The following ATXN1 variants were observed in gnomAD, a reference collection of about 807,000 sequenced individuals.
The protein encoded by ATXN1 is ataxin 1, also known as ataxin-1.
ATXN1 carries 8 observed loss-of-function variants against 56.4 expected under a neutral mutation model. The observed-to-expected ratio is 0.14, with a 90% CI of 0.08 to 0.26. The LOEUF (loss-of-function observed/expected upper bound fraction) is 0.26. Ranked by LOEUF, ATXN1 falls within the 10% of genes least tolerant of loss-of-function variation. The pLI, the probability that ATXN1 is intolerant of heterozygous loss-of-function variation, is 1.00. For synonymous variants in ATXN1, 514 were observed against 494.6 expected, an observed-to-expected ratio of 1.04 and a Z score of -0.52; for missense variants, 987 against 1,106.5, an observed-to-expected ratio of 0.89 and a Z score of 1.53.
intron 6 of ATXN1, among the ~76,000 whole-genome samples, chr6:16,397,181 T>C (rs1310013802): frequency 6.6e-6 from 1 of 152,242 alleles, no homozygotes; most frequent in Non-Finnish European, 1.5e-5. Context: ...AGTGAGAGTA[T>C]TTATATTACA....
intron 6 of ATXN1, among the ~76,000 whole-genome samples, chr6:16,413,557 G>C (rs1027998873): frequency 6.6e-6 from 1 of 152,110 alleles, no homozygotes; most frequent in African/African-American, 2.4e-5. Context: ...TTAATGAATG[G>C]ATGAGTGAAT....
chr6:16,427,331 G>A (rs150138782), intron 6 of ATXN1, among the ~76,000 whole-genome samples: 10 of 152,286 alleles, frequency 6.6e-5, no homozygotes, highest in South Asian at 2.1e-4. Context: ...CTCCCCAGTC[G>A]TGACAAGCAA....
chr6:16,620,527 T>C (rs1763301948), intron 3 of ATXN1, among the ~76,000 whole-genome samples: 1 of 152,276 alleles, frequency 6.6e-6, no homozygotes, highest in East Asian at 1.9e-4. Context: ...ATGAAGATTC[T>C]CATATCCTAG....
intron 6 of ATXN1, among the ~76,000 whole-genome samples, chr6:16,352,338 A>G (rs1478084370): frequency 6.6e-6 from 1 of 152,216 alleles, no homozygotes; most frequent in African/African-American, 2.4e-5. Flanking sequence ...GGGACCAGCC[A>G]GGGAGTCTAA....
intron 6 of ATXN1, among the ~76,000 whole-genome samples, chr6:16,370,402 C>T (rs941270823): frequency 2.0e-5 from 3 of 152,150 alleles, no homozygotes; most frequent in Admixed American, 6.5e-5. Flanking sequence ...TTTGCAGTGT[C>T]GTGAAAGAAA....
Position 16,306,326 on chromosome 6 carries a change from C to A in ATXN1, c.*3G>T. On this transcript the variant is annotated 3_prime_UTR_variant, in exon 8 of 8. Transcript: ENST00000436367. The surrounding 1 kb of genome is among the most constrained non-coding windows in gnomAD (Gnocchi z 5.2). ...GCCACGTTTCCTTTCCCCCACGCTGCCTCTACTTGCCTACATTAGACCGGC... is the reference window on the plus strand; with the variant it reads ...GCCACGTTTCCTTTCCCCCACGCTGACTCTACTTGCCTACATTAGACCGGC... 1 of 1,595,244 alleles carries A rather than the reference C, an allele frequency of 6.3e-7. No homozygotes were observed. The highest frequency in any genetic ancestry group is 1.7e-5 in the Admixed American group (1 of 58,890).
chr6:16,306,322 G>A lies in ATXN1; in HGVS notation c.*7C>T, dbSNP rs117816075. ...GAGAGCCACGTTTCCTTTCCCCCAC[G>A]CTGCCTCTACTTGCCTACATTAGAC... On this transcript the variant is annotated 3_prime_UTR_variant, in exon 8 of 8. Transcript: ENST00000436367. This position sits in a 1 kb window ranked among gnomAD's most constrained non-coding sequence, Gnocchi z 5.2. 6.3e-6 allele frequency: 10 copies of A among 1,590,362 alleles called. No homozygotes were observed. In the East Asian group the frequency reaches 1.1e-4, roughly 18 times the overall value.
chr6:16,379,335 C>T (rs914501020), intron 6 of ATXN1, among the ~76,000 whole-genome samples: 5 of 151,962 alleles, frequency 3.3e-5, no homozygotes, highest in African/African-American at 1.2e-4. Context: ...GATGGGTGCA[C>T]CAAAATCTCA....
At chr6:16,368,343 C>CA (rs1761971516) in intron 6 of ATXN1, among the ~76,000 whole-genome samples, 1 of 75,872 alleles carries the variant, frequency 1.3e-5, no homozygotes, top group Non-Finnish European at 2.8e-5. Flanking sequence ...ACTTCTTCTT[C>CA]TTTTTTTTTT....
At chr6:16,729,869 G>A (rs777563411) in intron 2 of ATXN1, among the ~76,000 whole-genome samples, 2 of 152,212 alleles carry the variant, frequency 1.3e-5, no homozygotes, top group Non-Finnish European at 2.9e-5. Context: ...AGGACTAAGT[G>A]CTTAGCAGTC....
intron 4 of ATXN1, among the ~76,000 whole-genome samples, chr6:16,535,550 C>T (rs1385220924): frequency 6.6e-6 from 1 of 152,134 alleles, no homozygotes; most frequent in Non-Finnish European, 1.5e-5. Context: ...AAAATAAACA[C>T]CCATGAGTTC....
At chr6:16,624,715 T>C (rs1763378605) in intron 3 of ATXN1, among the ~76,000 whole-genome samples, 1 of 152,182 alleles carries the variant, frequency 6.6e-6, no homozygotes, top group African/African-American at 2.4e-5. Flanking sequence ...ATTGTGAAAG[T>C]CTAAAGTTAC....
intron 6 of ATXN1, among the ~76,000 whole-genome samples, chr6:16,379,107 G>T (rs1762200947): frequency 6.6e-6 from 1 of 152,220 alleles, no homozygotes. Flanking sequence ...AACAGCATTT[G>T]CAGTGACCTG....
chr6:16,504,275 T>A (rs1760940442), intron 5 of ATXN1, among the ~76,000 whole-genome samples: 1 of 152,238 alleles, frequency 6.6e-6, no homozygotes, highest in Admixed American at 6.5e-5. Flanking sequence ...CTTTCACTCC[T>A]GGGACTGGTT....
chr6:16,756,500 A>G (rs546874141), intron 1 of ATXN1, among the ~76,000 whole-genome samples: 5 of 152,318 alleles, frequency 3.3e-5, no homozygotes, highest in African/African-American at 1.2e-4. Context: ...GCTTTTATCA[A>G]AATAAGGAGG....
At chr6:16,474,853 C>T (rs893254535) in intron 6 of ATXN1, among the ~76,000 whole-genome samples, 1 of 148,806 alleles carries the variant, frequency 6.7e-6, no homozygotes, top group African/African-American at 2.5e-5. Flanking sequence ...CACACACACA[C>T]ACACACACAC....
At chr6:16,753,837 G>T (rs1760800295) in intron 1 of ATXN1, among the ~76,000 whole-genome samples, 1 of 152,096 alleles carries the variant, frequency 6.6e-6, no homozygotes, top group African/African-American at 2.4e-5. Context: ...TAGAAGAAAG[G>T]AAAAAATGCA....
At chr6:16,601,548 C>T (rs1581874607) in intron 3 of ATXN1, among the ~76,000 whole-genome samples, 1 of 152,116 alleles carries the variant, frequency 6.6e-6, no homozygotes, top group Non-Finnish European at 1.5e-5. Context: ...GCCAGCCAGC[C>T]ACTTAAAATC....
At chr6:16,570,580 C>T (rs1354826415) in intron 4 of ATXN1, among the ~76,000 whole-genome samples, 6 of 152,118 alleles carry the variant, frequency 3.9e-5, no homozygotes, top group Non-Finnish European at 5.9e-5. Context: ...GGAAGTGGCA[C>T]CAAGTGAACT....
Sources: gnomAD v4.1 joint callset for allele counts (sites outside exome capture counted in the v4.1 genomes callset) on GRCh38, gnomAD v4.1.1 for gene constraint, Gnocchi (gnomAD v3.1) non-coding constraint, MANE v1.5 for transcripts, NCBI Gene and HGNC (gene_info 2026-07-23, HGNC 2026-07-21) for gene names.